The following RPS10 variants were observed in gnomAD, a reference collection of about 807,000 sequenced individuals.
The protein encoded by RPS10 is small ribosomal subunit protein eS10.
In RPS10, 2 loss-of-function variants were observed where a neutral mutation model predicts 22.6. That is an observed-to-expected ratio of 0.09 (90% CI 0.04 to 0.28). The LOEUF (loss-of-function observed/expected upper bound fraction) is 0.28. Ranked by LOEUF, RPS10 falls within the 10% of genes least tolerant of loss-of-function variation. RPS10 has a pLI of 1.00. For synonymous variants in RPS10, 70 were observed against 75.9 expected (o/e 0.92, Z 0.40); for missense variants, 137 against 222.2 (o/e 0.62, Z 2.44).
At chr6:34,421,376 G>A (rs552153865) in intron 4 of RPS10, among the ~76,000 whole-genome samples, 2 of 151,822 alleles carry the variant, frequency 1.3e-5, no homozygotes, top group African/African-American at 2.4e-5. Context: ...TAGAGACAGG[G>A]TTTCGTCATG....
Position 34,424,813 on chromosome 6 carries a change from C to G in RPS10, c.178G>C (p.Glu60Gln). 6.2e-7 allele frequency: 1 copy of G among 1,614,052 alleles called. No individual in the cohort carries two copies. The highest frequency in any genetic ancestry group is 8.5e-7 in the Non-Finnish European group (1 of 1,180,036). Residue 60 changes from glutamate (E) to glutamine (Q), a missense_variant, in exon 3 of 6, where the codon GAA becomes CAA. Glu to Gln is a conservative substitution (Grantham distance 29, BLOSUM62 2). Transcript: ENST00000648437. ...TAGAAATGTCTCCAGGCAAACTGTT[C>G]CTTCACGTAGCCTCGGGACTTGAGA... ...QSLKSRGYVK[E>Q]QFAWRHFYWY...
At chr6:34,423,873 T>C (rs897816614) in intron 3 of RPS10, among the ~76,000 whole-genome samples, 4 of 151,908 alleles carry the variant, frequency 2.6e-5, no homozygotes, top group Non-Finnish European at 4.4e-5. Flanking sequence ...AGTGAGACTC[T>C]GTCTCAAAAA....
intron 5 of RPS10, 47 bp from the exon 6 acceptor site, chr6:34,417,594 G>A (rs773144170): frequency 2.5e-6 from 4 of 1,602,406 alleles, no homozygotes; most frequent in Non-Finnish European, 3.4e-6. Context: ...ACTCTGGTTT[G>A]ATCTTTGGAG....
chr6:34,421,859 C>T (rs763443568), intron 3 of RPS10, 52 bp from the exon 4 acceptor site: 46 of 1,608,584 alleles, frequency 2.9e-5, no homozygotes, highest in Admixed American at 1.0e-4. Flanking sequence ...GAACTCTGTC[C>T]CTTAAAGCCA....
intron 4 of RPS10, among the ~76,000 whole-genome samples, chr6:34,419,079 C>T (rs1431540311): frequency 6.6e-6 from 1 of 152,094 alleles, no homozygotes; most frequent in Non-Finnish European, 1.5e-5. Context: ...AGTGCAATGG[C>T]GCGATCTCGG....
At position 34,425,498 on chromosome 6, in the gene RPS10, G is replaced by C. The variant is rs28671566; in HGVS notation, c.1-277C>G. ...TTCTCATCAATTACAAAGGTCAATG[G>C]GGGGGAGAGGAGCAAACCCTGTATT... On this transcript the variant is annotated intron_variant, in intron 1 of 5. Transcript: ENST00000648437. The C allele has an allele frequency of 3.6e-5, 15 of 414,856 alleles. No individual in the cohort carries two copies. The East Asian group carries it at 4.9e-4, about 14-fold the overall frequency. The allele number at this position is 414,856 out of a possible 1,614,324, so 25.7% of individuals were successfully genotyped here.
At chr6:34,421,933 G>C (rs1319555089) in intron 3 of RPS10, 126 bp from the exon 4 acceptor site, 3 of 924,502 alleles carry the variant, frequency 3.2e-6, no homozygotes, top group East Asian at 4.8e-5. Flanking sequence ...TGGGTTAATG[G>C]GGACAGGAAC....
intron 5 of RPS10, chr6:34,418,011 G>A (rs1765635240): frequency 2.8e-6 from 2 of 702,478 alleles, no homozygotes; most frequent in East Asian, 2.7e-5. Flanking sequence ...CTGAGGCAGA[G>A]GGGAACCTAC....
At chr6:34,424,900 G>C in intron 2 of RPS10, 60 bp from the exon 3 acceptor site, 1 of 1,611,896 alleles carries the variant, frequency 6.2e-7, no homozygotes, top group Non-Finnish European at 8.5e-7. Flanking sequence ...TCCTAGGCAA[G>C]TCTCCAGTCC....
chr6:34,417,766 T>C (rs574882985), intron 5 of RPS10: 2 of 718,414 alleles, frequency 2.8e-6, no homozygotes, highest in Non-Finnish European at 5.2e-6. Context: ...AGTGGGAGTA[T>C]GGCCACCCAC....
At chr6:34,420,519 A>G (rs1405407371) in intron 4 of RPS10, among the ~76,000 whole-genome samples, 2 of 152,064 alleles carry the variant, frequency 1.3e-5, no homozygotes, top group Non-Finnish European at 2.9e-5. Flanking sequence ...TGCCTGGCCC[A>G]TAATCGTTAA....
chr6:34,423,177 C>T (rs977888570), intron 3 of RPS10, among the ~76,000 whole-genome samples: 9 of 146,342 alleles, frequency 6.1e-5, no homozygotes, highest in Admixed American at 2.0e-4. Flanking sequence ...ACTATGTCTC[C>T]TTTTTTTTTT....
chr6:34,421,918 T>A, intron 3 of RPS10, 111 bp from the exon 4 acceptor site: 1 of 1,092,170 alleles, frequency 9.2e-7, no homozygotes, highest in Non-Finnish European at 1.4e-6. Context: ...ACCACTTGGT[T>A]AAGATGGGTT....
chr6:34,420,383 C>T (rs1202196519), intron 4 of RPS10, among the ~76,000 whole-genome samples: 2 of 151,994 alleles, frequency 1.3e-5, no homozygotes, highest in Non-Finnish European at 2.9e-5. Context: ...CCATCATGCC[C>T]AGCTAATTTT....
intron 4 of RPS10, 128 bp downstream of exon 4, chr6:34,421,602 G>A: frequency 1.9e-6 from 2 of 1,037,494 alleles, no homozygotes; most frequent in South Asian, 1.3e-5. Flanking sequence ...GCTCTGCAGA[G>A]TGAAACCAAG....
At chr6:34,422,328 T>C (rs553590943) in intron 3 of RPS10, among the ~76,000 whole-genome samples, 1 of 152,332 alleles carries the variant, frequency 6.6e-6, no homozygotes, top group Non-Finnish European at 1.5e-5. Context: ...TTATTATCTT[T>C]TTGTGAGACG....
chr6:34,418,527 C>T (rs1029554231), intron 4 of RPS10, 103 bp from the exon 5 acceptor site: 140 of 1,562,026 alleles, frequency 9.0e-5, no homozygotes, highest in Non-Finnish European at 9.7e-5. Flanking sequence ...AAGCCAAGTA[C>T]CACTCCGTTA....
chr6:34,418,343 T>C (rs777660016), intron 5 of RPS10, 26 bp downstream of exon 5: 3 of 1,613,994 alleles, frequency 1.9e-6, no homozygotes, highest in South Asian at 2.2e-5. Flanking sequence ...TGATGGCTCA[T>C]GGAAAACAAA....
Position 34,425,182 on chromosome 6 carries a change from G to A in RPS10, c.40C>T (p.Leu14Phe), listed in dbSNP as rs1426463647. The A allele has an allele frequency of 2.6e-5, 42 of 1,613,462 alleles. No individual in the cohort carries two copies. The highest frequency in any genetic ancestry group is 3.2e-5 in the Non-Finnish European group (38 of 1,179,866). Residue 14 changes from leucine (L) to phenylalanine (F), a missense_variant, in exon 2 of 6, where the codon CTC (leucine) becomes TTC (phenylalanine). Coordinates refer to ENST00000648437, the MANE Select transcript of RPS10 (RefSeq NM_001014.5). Reference protein sequence around the residue: ...PKKNRIAIYELLFKEGVMVAK... With the variant: ...PKKNRIAIYEFLFKEGVMVAK... ...ACCATGACTCCCTCCTTAAAAAGGA[G>A]TTCATAAATGGCAATCCGGTTCTTC... is the stretch of plus-strand genomic sequence containing the variant.
Sources: gnomAD v4.1 joint callset for allele counts (sites outside exome capture counted in the v4.1 genomes callset) on GRCh38, gnomAD v4.1.1 for gene constraint, MANE v1.5 for transcripts, NCBI Gene and HGNC (gene_info 2026-07-23, HGNC 2026-07-21) for gene names.